FMR1NB: variants seen among roughly 807,000 people sequenced by gnomAD.
FMR1NB encodes FMR1 neighbor, also known as FMR1 neighbor protein.
A neutral mutation model predicts 16.8 loss-of-function variants in FMR1NB; 10 were observed. That is an observed-to-expected ratio of 0.60 (90% CI 0.37 to 1.01). The LOEUF is 1.01. FMR1NB is among the 50% of genes least tolerant of loss of function. The probability of loss-of-function intolerance (pLI) is 0.01; values close to 1 mark genes in which losing one functional copy is unlikely to be tolerated. For synonymous variants in FMR1NB, 83 were observed against 79.1 expected, an observed-to-expected ratio of 1.05 and a Z score of -0.26; for missense variants, 205 against 204.8, an observed-to-expected ratio of 1.00 and a Z score of 0.00.
intron 4 of FMR1NB, among the ~76,000 whole-genome samples, chrX:148,018,089 G>C (rs1489908519): frequency 2.8e-5 from 3 of 108,864 alleles, no homozygotes; most frequent in East Asian, 5.7e-4. Flanking sequence ...GGTATTTCTA[G>C]TTCTAGATCC....
chrX:147,989,423 A>G (rs2044492628), intron 1 of FMR1NB, among the ~76,000 whole-genome samples: 1 of 111,768 alleles, frequency 8.9e-6, no homozygotes, highest in Non-Finnish European at 1.9e-5. Flanking sequence ...GCTCTCCTGT[A>G]TGAGGCTCCT....
intron 4 of FMR1NB, among the ~76,000 whole-genome samples, chrX:148,010,217 T>G (rs1557189508): frequency 8.9e-6 from 1 of 112,600 alleles, no homozygotes; most frequent in Non-Finnish European, 1.9e-5. Flanking sequence ...ATATATTGGA[T>G]ACTATACATT....
chrX:148,002,599 G>T (rs1274010991), intron 1 of FMR1NB, among the ~76,000 whole-genome samples: 1 of 112,066 alleles, frequency 8.9e-6, no homozygotes, highest in East Asian at 2.8e-4. Context: ...TTCCTATGGA[G>T]AAATTGCTAA....
intron 4 of FMR1NB, among the ~76,000 whole-genome samples, chrX:148,017,367 C>T (rs782218233): frequency 3.6e-5 from 4 of 109,932 alleles, no homozygotes; most frequent in Non-Finnish European, 7.6e-5. Flanking sequence ...GTTAAATCTG[C>T]CTGGTATTCT....
At chrX:148,020,968 A>G (rs2044675154) in intron 4 of FMR1NB, among the ~76,000 whole-genome samples, 1 of 111,802 alleles carries the variant, frequency 8.9e-6, no homozygotes, top group Non-Finnish European at 1.9e-5. Context: ...GACTAACCTA[A>G]GAATTGCAGT....
chrX:147,989,780 C>T (rs1386878391), intron 1 of FMR1NB, among the ~76,000 whole-genome samples: 2 of 111,290 alleles, frequency 1.8e-5, no homozygotes, highest in African/African-American at 6.5e-5. Flanking sequence ...TGTTGAGTTC[C>T]ACCCAGTCCT....
chrX:148,008,679 G>A lies in FMR1NB; in HGVS notation c.600G>A (p.Leu200=), dbSNP rs782422790. 1 of 1,211,587 alleles carries A rather than the reference G, an allele frequency of 8.3e-7. No homozygotes were observed. The change falls in exon 4 of 6, where the codon CTG becomes CTA. Residue 200 remains leucine (L), a synonymous_variant. Coordinates refer to ENST00000370467, the MANE Select transcript of FMR1NB (RefSeq NM_152578.3). ...CGATCAGCCTTATCCTGGTATGTCT[G>A]CCCATTTATTGCCGCTCTCTTTTCT... ...LGAISLILVC[L]PIYCRSLFWR...
chrX:148,024,965 G>A lies in FMR1NB; in HGVS notation c.733G>A (p.Ala245Thr). The A allele has an allele frequency of 8.3e-7, 1 of 1,210,988 alleles. No homozygotes were observed. The highest frequency in any genetic ancestry group is 1.1e-6 in the Non-Finnish European group (1 of 894,975). Residue 245 changes from alanine (A) to threonine (T), a missense_variant, in exon 5 of 6, where the codon GCA becomes ACA. By Grantham distance (58) the Ala-to-Thr change is moderately conservative. Transcript: ENST00000370467. ...RKRKSEMLQK[A>T]ARGREEHGDE ...GAGGAAGTCTGAAATGTTACAGAAA[G>A]CAGCAAGAGGACGTGAGGAACATGG...
chrX:148,004,803 A>G (rs2044587705), intron 2 of FMR1NB, among the ~76,000 whole-genome samples: 1 of 112,917 alleles, frequency 8.9e-6, no homozygotes, highest in African/African-American at 3.2e-5. Context: ...ACAAAATTAC[A>G]TACTTAAACC....
At position 148,013,682 on chromosome X, in the gene FMR1NB, T is replaced by A. The variant is rs149246913; in HGVS notation, c.632+4971T>A. ...AGTATTCCAAGAGTCTCTGGGTAAATTACTCTTAATTCCAAATCCTAAAAT... is the reference window on the plus strand; with the variant it reads ...AGTATTCCAAGAGTCTCTGGGTAAAATACTCTTAATTCCAAATCCTAAAAT... On this transcript the variant is annotated intron_variant, in intron 4 of 5. Transcript: ENST00000370467. 7.2e-3 allele frequency among the ~76,000 whole-genome samples: 802 copies of A among 111,946 alleles called. 8 individuals carry two copies. Among genetic ancestry groups the A allele is most frequent in the African/African-American group, 0.025 (773 of 30,853 alleles).
At chrX:148,012,786 C>T (rs782165607) in intron 4 of FMR1NB, among the ~76,000 whole-genome samples, 2 of 111,803 alleles carry the variant, frequency 1.8e-5, no homozygotes, top group African/African-American at 6.5e-5. Flanking sequence ...GTGTCAAAAA[C>T]TGCCTAAAAA....
intron 4 of FMR1NB, 132 bp downstream of exon 4, chrX:148,008,843 T>C: frequency 1.8e-6 from 1 of 567,142 alleles, no homozygotes; most frequent in Non-Finnish European, 2.7e-6. Flanking sequence ...TATGGTAGCT[T>C]GGGAAAGACC....
At chrX:147,991,182 C>T (rs1445595206) in intron 1 of FMR1NB, among the ~76,000 whole-genome samples, 7 of 110,650 alleles carry the variant, frequency 6.3e-5, no homozygotes, top group Admixed American at 4.8e-4. Flanking sequence ...CCTTTAATTC[C>T]TCAACTCTTC....
At chrX:148,020,243 A>G (rs1315217475) in intron 4 of FMR1NB, among the ~76,000 whole-genome samples, 7 of 111,308 alleles carry the variant, frequency 6.3e-5, no homozygotes, top group Admixed American at 1.9e-4. Flanking sequence ...GGGCTCTTCT[A>G]TCAGCTTGTG....
chrX:147,999,967 T>C (rs1421913066), intron 1 of FMR1NB, among the ~76,000 whole-genome samples: 1 of 112,009 alleles, frequency 8.9e-6, no homozygotes, highest in Non-Finnish European at 1.9e-5. Context: ...ACTTTAATAT[T>C]TATCTTTTAG....
At chrX:147,987,425 G>A (rs1312884454) in intron 1 of FMR1NB, among the ~76,000 whole-genome samples, 1 of 111,745 alleles carries the variant, frequency 8.9e-6, no homozygotes, top group African/African-American at 3.3e-5. Context: ...AATGCTTCCA[G>A]CTTTTGCCCA....
At chrX:148,008,219 G>A in intron 3 of FMR1NB, 2 of 129,734 alleles carry the variant, frequency 1.5e-5, no homozygotes, top group Non-Finnish European at 3.2e-5. Flanking sequence ...CATAGATTAA[G>A]AAGCTATTTA....
intron 1 of FMR1NB, among the ~76,000 whole-genome samples, chrX:147,999,950 G>A (rs781808762): frequency 8.9e-6 from 1 of 111,807 alleles, no homozygotes; most frequent in East Asian, 2.8e-4. Context: ...CACAATCATG[G>A]TGAGATACTT....
At chrX:148,020,399 C>T (rs1557190523) in intron 4 of FMR1NB, among the ~76,000 whole-genome samples, 1 of 112,100 alleles carries the variant, frequency 8.9e-6, no homozygotes, top group African/African-American at 3.2e-5. Flanking sequence ...TCCCCTGTGA[C>T]TAAGCTGGTA....
Sources: allele counts gnomAD v4.1 joint callset (sites outside exome capture counted in the v4.1 genomes callset), GRCh38; gene constraint gnomAD v4.1.1; transcripts MANE v1.5; gene names NCBI Gene and HGNC (gene_info 2026-07-23, HGNC 2026-07-21).